The following ZCWPW2 variants were observed in gnomAD, a reference collection of about 807,000 sequenced individuals.
ZCWPW2 encodes the protein zinc finger CW-type PWWP domain protein 2.
In ZCWPW2, 45 loss-of-function variants were observed where a neutral mutation model predicts 46.6. That is an observed-to-expected ratio of 0.96 (90% confidence interval 0.76 to 1.24). ZCWPW2 has a LOEUF of 1.24. Among genes scored for constraint, ZCWPW2 ranks in the 50% most tolerant of loss-of-function variants. The pLI is 0.00. For synonymous variants in ZCWPW2, 152 were observed against 137.1 expected (o/e 1.11, Z -0.76); for missense variants, 429 against 403.9 (o/e 1.06, Z -0.53).
intron 1 of ZCWPW2, 90 bp downstream of exon 1, chr3:28,349,293 TG>T: frequency 2.4e-6 from 2 of 818,304 alleles, no homozygotes; most frequent in Non-Finnish European, 3.0e-6. Flanking sequence ...AGTGTCCTTT[TG>T]GGGGGTCCCC....
intron 6 of ZCWPW2, among the ~76,000 whole-genome samples, chr3:28,501,440 T>C (rs1700140243): frequency 6.6e-6 from 1 of 152,166 alleles, no homozygotes; most frequent in Non-Finnish European, 1.5e-5. Context: ...GACTCCATTC[T>C]AGTTTGGTTT....
chr3:28,390,177 T>A (rs941658527), intron 1 of ZCWPW2, among the ~76,000 whole-genome samples: 5 of 152,196 alleles, frequency 3.3e-5, no homozygotes, highest in African/African-American at 1.2e-4. Context: ...ACAAAGAATA[T>A]CATCTTCACA....
At chr3:28,388,643 C>T (rs1695370638) in intron 1 of ZCWPW2, among the ~76,000 whole-genome samples, 1 of 152,012 alleles carries the variant, frequency 6.6e-6, no homozygotes, top group Non-Finnish European at 1.5e-5. Context: ...GGCTTATACT[C>T]ACATATATTC....
intron 4 of ZCWPW2, among the ~76,000 whole-genome samples, chr3:28,477,952 C>T (rs577534194): frequency 6.6e-6 from 1 of 151,838 alleles, no homozygotes; most frequent in African/African-American, 2.4e-5. Context: ...TTATTTTTGA[C>T]CCAGATATTT....
chr3:28,509,171 C>T (rs1479636109), intron 6 of ZCWPW2, among the ~76,000 whole-genome samples: 1 of 152,092 alleles, frequency 6.6e-6, no homozygotes, highest in African/African-American at 2.4e-5. Flanking sequence ...GTCAGTACTT[C>T]ATCATTTTTA....
At chr3:28,407,592 G>C (rs1188399519) in intron 2 of ZCWPW2, among the ~76,000 whole-genome samples, 1 of 152,198 alleles carries the variant, frequency 6.6e-6, no homozygotes, top group Non-Finnish European at 1.5e-5. Flanking sequence ...CTAGTAAAGA[G>C]TGGTAGAGTT....
Position 28,361,655 on chromosome 3 carries a change from A to C in ZCWPW2, c.-134+12452A>C, listed in dbSNP as rs116272729. 5.6e-3 allele frequency among the ~76,000 whole-genome samples: 854 copies of C among 152,256 alleles called. 14 individuals carry two copies. Among genetic ancestry groups the C allele is most frequent in the African/African-American group, 0.02 (832 of 41,540 alleles). ...CATCTGATAGGGGATTAATATCAAAAATATATAAGAAATTCATACAATGTA... is the reference window on the plus strand; with the variant it reads ...CATCTGATAGGGGATTAATATCAAACATATATAAGAAATTCATACAATGTA... On this transcript the variant is annotated intron_variant, in intron 1 of 9. Transcript: ENST00000383768.
chr3:28,395,724 A>G (rs1218814699), intron 2 of ZCWPW2, among the ~76,000 whole-genome samples: 1 of 152,214 alleles, frequency 6.6e-6, no homozygotes, highest in Non-Finnish European at 1.5e-5. Flanking sequence ...GAAACAAAGT[A>G]GAAGGGTGGT....
At chr3:28,366,073 A>G (rs549460002) in intron 1 of ZCWPW2, among the ~76,000 whole-genome samples, 19 of 152,014 alleles carry the variant, frequency 1.2e-4, no homozygotes, top group African/African-American at 4.1e-4. Context: ...TAGATATACA[A>G]TCATGTCATC....
At chr3:28,349,761 T>C (rs1309998526) in intron 1 of ZCWPW2, among the ~76,000 whole-genome samples, 1 of 152,174 alleles carries the variant, frequency 6.6e-6, no homozygotes, top group Non-Finnish European at 1.5e-5. Flanking sequence ...ATAGAAAATT[T>C]AACGTCACTA....
chr3:28,454,319 T>G (rs528985576), intron 4 of ZCWPW2, among the ~76,000 whole-genome samples: 1 of 152,284 alleles, frequency 6.6e-6, no homozygotes, highest in Admixed American at 6.5e-5. Flanking sequence ...GTCCTAGCAT[T>G]TTTAAAAATG....
At chr3:28,444,861 A>T (rs1426304748) in intron 4 of ZCWPW2, among the ~76,000 whole-genome samples, 1 of 152,176 alleles carries the variant, frequency 6.6e-6, no homozygotes, top group African/African-American at 2.4e-5. Flanking sequence ...CGTATTATGT[A>T]TAGAGTCACT....
intron 6 of ZCWPW2, among the ~76,000 whole-genome samples, chr3:28,500,559 A>G (rs549424597): frequency 1.3e-5 from 2 of 152,254 alleles, no homozygotes; most frequent in South Asian, 4.1e-4. Context: ...CTTGATTTAT[A>G]CATTTCGATA....
chr3:28,446,647 A>G (rs1185542222), intron 4 of ZCWPW2, among the ~76,000 whole-genome samples: 1 of 152,090 alleles, frequency 6.6e-6, no homozygotes, highest in Admixed American at 6.5e-5. Flanking sequence ...CAAAGCTACT[A>G]GAAGGAAGGA....
chr3:28,478,674 A>C, intron 4 of ZCWPW2, 140 bp from the exon 5 acceptor site: 3 of 405,298 alleles, frequency 7.4e-6, no homozygotes, highest in Non-Finnish European at 4.3e-6. Flanking sequence ...ATAATATTAA[A>C]ATAATAATTA....
chr3:28,467,840 C>T (rs1407750448), intron 4 of ZCWPW2, among the ~76,000 whole-genome samples: 2 of 152,114 alleles, frequency 1.3e-5, no homozygotes, highest in Non-Finnish European at 2.9e-5. Flanking sequence ...GGAAAGCTTT[C>T]CCAAAAACAG....
At chr3:28,494,605 G>C (rs1483606378) in intron 6 of ZCWPW2, among the ~76,000 whole-genome samples, 1 of 150,000 alleles carries the variant, frequency 6.7e-6, no homozygotes, top group Non-Finnish European at 1.5e-5. Context: ...AGGAAATAAA[G>C]GGTATTCAAT....
In ZCWPW2 at chr3:28,365,739, G is replaced by A. The variant is rs1575051834; in HGVS notation, c.-134+16536G>A. 4.3e-5 allele frequency among the ~76,000 whole-genome samples: 6 copies of A among 141,022 alleles called. 1 individual carries two copies. In the South Asian group the frequency reaches 1.4e-3, roughly 32 times the overall value. The allele number at this position is 141,022 out of a possible 152,430, so 92.5% of individuals were successfully genotyped here. On this transcript the variant is annotated intron_variant, in intron 1 of 9. Coordinates refer to ENST00000383768, the MANE Select transcript of ZCWPW2 (RefSeq NM_001040432.4). ...TTGAATCTATAAATTACCTTGGGCA[G>A]TATGGCCATTTTCACAATATTGATT...
intron 1 of ZCWPW2, among the ~76,000 whole-genome samples, chr3:28,374,272 A>T (rs960010660): frequency 2.0e-5 from 3 of 152,140 alleles, no homozygotes; most frequent in African/African-American, 7.2e-5. Flanking sequence ...GTATGTTCTC[A>T]GTACCTTTGT....
Sources: allele counts gnomAD v4.1 joint callset (sites outside exome capture counted in the v4.1 genomes callset), GRCh38; gene constraint gnomAD v4.1.1; transcripts MANE v1.5; gene names NCBI Gene and HGNC (gene_info 2026-07-23, HGNC 2026-07-21).